FAAH2: variants seen among roughly 807,000 people sequenced by gnomAD.
FAAH2 encodes fatty-acid amide hydrolase 2.
FAAH2 carries 60 observed loss-of-function variants against 36.9 expected under a neutral mutation model. The ratio of observed to expected loss-of-function variants is 1.63; its 90% CI spans 1.32 to 2.02. FAAH2 has a LOEUF of 2.02. FAAH2 is among the 30% of genes most tolerant of loss of function. The pLI is 0.00. For missense variants in FAAH2, 689 were observed against 397.5 expected, an observed-to-expected ratio of 1.73 and a Z score of -6.23; for synonymous variants, 214 against 143.8, an observed-to-expected ratio of 1.49 and a Z score of -3.49.
At chrX:57,234,737 G>A in the FAAH2 span, among the ~76,000 whole-genome samples, 1 of 111,579 alleles carries the variant, frequency 9.0e-6, no homozygotes, top group African/African-American at 3.3e-5. Flanking sequence ...TGTGAAGGAT[G>A]GGGAGCAGCT....
intron 7 of FAAH2, among the ~76,000 whole-genome samples, chrX:57,422,108 C>T (rs1426905556): frequency 9.0e-6 from 1 of 111,463 alleles, no homozygotes; most frequent in East Asian, 2.8e-4. Flanking sequence ...TAGTCAATAG[C>T]TCTCTACCAG....
chrX:57,240,494 G>C, the FAAH2 span, among the ~76,000 whole-genome samples: 9 of 111,567 alleles, frequency 8.1e-5, no homozygotes, highest in African/African-American at 2.9e-4. Context: ...TGGGTTCCAT[G>C]CATGCATGCA....
chrX:57,463,004 A>G (rs2056987110), intron 10 of FAAH2, among the ~76,000 whole-genome samples: 1 of 112,060 alleles, frequency 8.9e-6, no homozygotes, highest in Non-Finnish European at 1.9e-5. Flanking sequence ...GCATTCCTAT[A>G]CACCAATAAT....
At chrX:57,149,681 A>G in the FAAH2 span, among the ~76,000 whole-genome samples, 3 of 109,422 alleles carry the variant, frequency 2.7e-5, no homozygotes, top group African/African-American at 6.7e-5. Flanking sequence ...GCGGTCTATC[A>G]ATTTTGTTGA....
the FAAH2 span, among the ~76,000 whole-genome samples, chrX:57,269,847 G>T: frequency 9.0e-6 from 1 of 111,093 alleles, no homozygotes; most frequent in African/African-American, 3.3e-5. Context: ...CAACCCCAAA[G>T]CTAGTAGAAG....
In FAAH2 at chrX:57,430,878, G is replaced by A. The variant is rs1033337308; in HGVS notation, c.997-1040G>A. On this transcript the variant is annotated intron_variant, in intron 7 of 10. Transcript: ENST00000374900. ...TTTCTCGTAATTGTGGCTAAGAATTGTTCTCAGTACTCTCCCAAGGTCGGG... is the reference window on the plus strand; with the variant it reads ...TTTCTCGTAATTGTGGCTAAGAATTATTCTCAGTACTCTCCCAAGGTCGGG... Among the ~76,000 whole-genome samples the A allele has an allele frequency of 6.0e-4, 67 of 112,014 alleles. 2 individuals carry two copies. Among genetic ancestry groups the A allele is most frequent in the Non-Finnish European group, 1.2e-3 (62 of 53,207 alleles).
intron 7 of FAAH2, among the ~76,000 whole-genome samples, chrX:57,424,868 G>A (rs1034619970): frequency 8.9e-6 from 1 of 111,763 alleles, no homozygotes; most frequent in African/African-American, 3.2e-5. Context: ...CAACTTGGTA[G>A]CAATGGATCC....
the FAAH2 span, among the ~76,000 whole-genome samples, chrX:57,212,510 G>A: frequency 8.9e-6 from 1 of 111,770 alleles, no homozygotes; most frequent in Non-Finnish European, 1.9e-5. Context: ...TTACCAAAGA[G>A]AGATACATTT....
chrX:57,139,485 C>G, the FAAH2 span, among the ~76,000 whole-genome samples: 1 of 111,404 alleles, frequency 9.0e-6, no homozygotes, highest in African/African-American at 3.3e-5. Context: ...TTTTTTGAGA[C>G]GGAGTCTTGC....
intron 7 of FAAH2, among the ~76,000 whole-genome samples, chrX:57,396,120 G>A (rs184915508): frequency 7.2e-4 from 80 of 111,255 alleles, no homozygotes; most frequent in African/African-American, 2.5e-3. Flanking sequence ...TTTCTAGTTT[G>A]TGTTCATAAT....
At chrX:57,479,308 A>C (rs1462565772) in intron 10 of FAAH2, among the ~76,000 whole-genome samples, 1 of 111,731 alleles carries the variant, frequency 9.0e-6, no homozygotes, top group Non-Finnish European at 1.9e-5. Context: ...TTGGTATATA[A>C]GAATGCTTGT....
At chrX:57,438,130 C>A (rs955768063) in intron 8 of FAAH2, among the ~76,000 whole-genome samples, 1 of 104,100 alleles carries the variant, frequency 9.6e-6, no homozygotes, top group South Asian at 4.0e-4. Flanking sequence ...TATGTATACA[C>A]GTGTATATAT....
the FAAH2 span, among the ~76,000 whole-genome samples, chrX:57,197,923 G>A: frequency 2.7e-5 from 3 of 112,220 alleles, no homozygotes; most frequent in Admixed American, 9.4e-5. Flanking sequence ...GTTATAGTTG[G>A]TGGATTTAGC....
the FAAH2 span, among the ~76,000 whole-genome samples, chrX:57,250,850 G>C: frequency 9.0e-6 from 1 of 110,786 alleles, no homozygotes; most frequent in East Asian, 2.8e-4. Flanking sequence ...TTATTAAGGA[G>C]ATTGAATCAA....
At chrX:57,421,892 A>T (rs769998760) in intron 7 of FAAH2, among the ~76,000 whole-genome samples, 2 of 111,720 alleles carry the variant, frequency 1.8e-5, no homozygotes, top group South Asian at 7.6e-4. Context: ...TTACCTACTA[A>T]ATCCAATGAG....
intron 10 of FAAH2, among the ~76,000 whole-genome samples, chrX:57,488,076 A>G (rs2057507372): frequency 8.9e-6 from 1 of 111,984 alleles, no homozygotes; most frequent in Admixed American, 9.5e-5. Context: ...GGAAATCTAT[A>G]TGGATAAAAA....
chrX:57,403,655 G>A (rs186802614), intron 7 of FAAH2, among the ~76,000 whole-genome samples: 19 of 112,448 alleles, frequency 1.7e-4, no homozygotes, highest in Middle Eastern at 4.6e-3. Context: ...CAAACAGCTC[G>A]CACGTTTGAG....
At chrX:57,218,054 A>T in the FAAH2 span, among the ~76,000 whole-genome samples, 142 of 112,179 alleles carry the variant, frequency 1.3e-3, no homozygotes, top group Non-Finnish European at 2.2e-3. Flanking sequence ...TCTTGTATCC[A>T]GAAACTTTGC....
At chrX:57,202,954 A>T in the FAAH2 span, among the ~76,000 whole-genome samples, 1 of 111,845 alleles carries the variant, frequency 8.9e-6, no homozygotes, top group African/African-American at 3.3e-5. Flanking sequence ...CCAGACTAAC[A>T]CTATTGTTTT....
Sources: gnomAD v4.1 joint callset for allele counts (sites outside exome capture counted in the v4.1 genomes callset) on GRCh38, gnomAD v4.1.1 for gene constraint, MANE v1.5 for transcripts, NCBI Gene and HGNC (gene_info 2026-07-23, HGNC 2026-07-21) for gene names.